Variants in SLC35G2 observed in about 807,000 individuals in gnomAD.
SLC35G2 encodes solute carrier family 35 member G2, also known as transmembrane protein 22.
SLC35G2 carries 20 observed loss-of-function variants against 27.2 expected under a neutral mutation model. That is an observed-to-expected ratio of 0.74 (90% CI 0.52 to 1.07). SLC35G2 has a LOEUF of 1.07. Among genes scored for constraint, SLC35G2 ranks in the 50% least tolerant of loss-of-function variants. The probability of loss-of-function intolerance (pLI) is 0.00; values close to 1 mark genes in which losing one functional copy is unlikely to be tolerated. For missense variants in SLC35G2, 416 were observed against 493.3 expected, an observed-to-expected ratio of 0.84 and a Z score of 1.48; for synonymous variants, 148 against 165.3, an observed-to-expected ratio of 0.90 and a Z score of 0.80.
At position 136,855,182 on chromosome 3, in the gene SLC35G2, T is replaced by C. The variant is rs761833430; in HGVS notation, c.722T>C (p.Ile241Thr). The C allele has an allele frequency of 2.5e-6, 4 of 1,614,032 alleles. No homozygotes were observed. The highest frequency in any genetic ancestry group is 4.5e-5 in the East Asian group (2 of 44,884). Residue 241 changes from isoleucine (I) to threonine (T), a missense_variant, in exon 2 of 2, where the codon ATT becomes ACT. Ile to Thr is a moderately conservative substitution (Grantham distance 89). Transcript: ENST00000446465. Reference protein sequence around the residue: ...LGVCLVMIPNIVDEDNSLLNA... With the variant: ...LGVCLVMIPNTVDEDNSLLNA... ...GTTTGTCTTGTCATGATCCCAAACA[T>C]TGTTGATGAAGACAATTCTTTGTTA...
intron 1 of SLC35G2, among the ~76,000 whole-genome samples, chr3:136,830,563 A>G (rs1936704125): frequency 1.3e-5 from 2 of 152,092 alleles, no homozygotes; most frequent in South Asian, 4.1e-4. Flanking sequence ...GATTACAGGC[A>G]TGAGCCACCG....
chr3:136,834,755 A>G (rs1473531682), intron 1 of SLC35G2, among the ~76,000 whole-genome samples: 2 of 152,304 alleles, frequency 1.3e-5, no homozygotes, highest in East Asian at 1.9e-4. Context: ...ATATTAACTC[A>G]TGTACTTTTC....
chr3:136,832,539 C>T (rs1936756000), intron 1 of SLC35G2, among the ~76,000 whole-genome samples: 1 of 152,174 alleles, frequency 6.6e-6, no homozygotes, highest in African/African-American at 2.4e-5. Context: ...CTTTTCTCAC[C>T]CATTAACATT....
intron 1 of SLC35G2, chr3:136,846,527 C>A (rs1267009028): frequency 6.6e-6 from 1 of 152,182 alleles, no homozygotes; most frequent in African/African-American, 2.4e-5. Context: ...TGGGCACTTA[C>A]CCCATGTGAA....
At chr3:136,837,732 A>G (rs1936914094) in intron 1 of SLC35G2, 1 of 152,130 alleles carries the variant, frequency 6.6e-6, no homozygotes, top group South Asian at 2.1e-4. Flanking sequence ...GCACATCCTT[A>G]TATACTTTGC....
At chr3:136,833,229 A>G (rs1196856800) in intron 1 of SLC35G2, among the ~76,000 whole-genome samples, 1 of 152,144 alleles carries the variant, frequency 6.6e-6, no homozygotes, top group East Asian at 1.9e-4. Context: ...ATAGTAGTTC[A>G]CGTTATTGAA....
chr3:136,850,122 A>C (rs1937577970), intron 1 of SLC35G2, among the ~76,000 whole-genome samples: 2 of 152,182 alleles, frequency 1.3e-5, no homozygotes, highest in Non-Finnish European at 2.9e-5. Flanking sequence ...TAAATAAATA[A>C]CTAAAAACAA....
chr3:136,854,784 G>A lies in SLC35G2; in HGVS notation c.324G>A (p.Leu108=). Residue 108 remains leucine, a synonymous_variant, in exon 2 of 2, where the codon CTG becomes CTA. Transcript: ENST00000446465. ...AATCCCGAAAAATGTGGATAGTGCT[G>A]TTTGGATCTGCTTTGGCTCATGGAT... ...IFQSRKMWIV[L]FGSALAHGCV... is the part of the protein sequence containing the mutation. 1 of 1,614,194 alleles carries A rather than the reference G, an allele frequency of 6.2e-7. No homozygotes were observed. The highest frequency in any genetic ancestry group is 8.5e-7 in the Non-Finnish European group (1 of 1,180,030).
At chr3:136,825,359 G>A (rs1354069584) in intron 1 of SLC35G2, among the ~76,000 whole-genome samples, 1 of 150,810 alleles carries the variant, frequency 6.6e-6, no homozygotes, top group South Asian at 2.1e-4. Context: ...TCATGCTTCA[G>A]CCTCCCAAGC....
At chr3:136,826,791 C>T (rs1936596446) in intron 1 of SLC35G2, among the ~76,000 whole-genome samples, 1 of 151,990 alleles carries the variant, frequency 6.6e-6, no homozygotes, top group South Asian at 2.1e-4. Flanking sequence ...GCATGCACCA[C>T]CACACCTGGC....
At chr3:136,832,283 G>A (rs887099297) in intron 1 of SLC35G2, among the ~76,000 whole-genome samples, 3 of 152,192 alleles carry the variant, frequency 2.0e-5, no homozygotes, top group Admixed American at 2.0e-4. Flanking sequence ...CAAAATGCTG[G>A]GATTACAGGT....
intron 1 of SLC35G2, among the ~76,000 whole-genome samples, chr3:136,847,101 T>A (rs1466596241): frequency 6.6e-6 from 1 of 152,062 alleles, no homozygotes; most frequent in African/African-American, 2.4e-5. Context: ...CACTTGAACC[T>A]GGGAGGTGGA....
At position 136,854,428 on chromosome 3, in the gene SLC35G2, T is replaced by A. The variant is rs113405963; in HGVS notation, c.-18-15T>A. The A allele has an allele frequency of 2.5e-5, 37 of 1,501,988 alleles. No individual in the cohort carries two copies. The African/African-American group carries it at 2.5e-4, about 10-fold the overall frequency. The allele number at this position is 1,501,988 out of a possible 1,614,324, so 93.0% of individuals were successfully genotyped here. A position where few individuals can be genotyped will look rare whatever the true frequency, so the allele number is the denominator to read the frequency against. On this transcript the variant is annotated splice_polypyrimidine_tract_variant and intron_variant, in intron 1 of 1. Coordinates refer to ENST00000446465, the MANE Select transcript of SLC35G2 (RefSeq NM_025246.3). Reference sequence around the variant, plus strand: ...TGAAATGAATGTCTTTTTGTCAATTTTTTTCTTTAAATAGAATTGATTATC... The same window carrying A: ...TGAAATGAATGTCTTTTTGTCAATTATTTTCTTTAAATAGAATTGATTATC...
At chr3:136,824,521 C>A (rs539653174) in intron 1 of SLC35G2, among the ~76,000 whole-genome samples, 1 of 152,168 alleles carries the variant, frequency 6.6e-6, no homozygotes, top group Non-Finnish European at 1.5e-5. Flanking sequence ...CCTTTCAGAT[C>A]GTTCACTGTT....
intron 1 of SLC35G2, among the ~76,000 whole-genome samples, chr3:136,829,353 C>T (rs1281829576): frequency 6.6e-6 from 1 of 152,030 alleles, no homozygotes; most frequent in Non-Finnish European, 1.5e-5. Context: ...TCCCAAGTAG[C>T]TGGGACTTCA....
At chr3:136,845,216 C>T (rs914925759) in intron 1 of SLC35G2, among the ~76,000 whole-genome samples, 3 of 152,172 alleles carry the variant, frequency 2.0e-5, no homozygotes, top group African/African-American at 7.2e-5. Flanking sequence ...TGTTTTCCCA[C>T]ATTTCTAAAT....
chr3:136,841,403 C>A (rs1355080341), intron 1 of SLC35G2, among the ~76,000 whole-genome samples: 1 of 152,018 alleles, frequency 6.6e-6, no homozygotes. Flanking sequence ...AGTCAGATAT[C>A]AGTTCCCTAC....
chr3:136,842,181 T>C (rs1195824323), intron 1 of SLC35G2: 1 of 152,170 alleles, frequency 6.6e-6, no homozygotes, highest in Non-Finnish European at 1.5e-5. Context: ...GAAAAAAAGG[T>C]AAAAACTAAT....
At chr3:136,827,433 CA>C (rs1936614429) in intron 1 of SLC35G2, among the ~76,000 whole-genome samples, 1 of 152,266 alleles carries the variant, frequency 6.6e-6, no homozygotes, top group Admixed American at 6.5e-5. Flanking sequence ...AGGCTGGTCT[CA>C]AATTACTGGG....
Sources: allele counts gnomAD v4.1 joint callset (sites outside exome capture counted in the v4.1 genomes callset), GRCh38; gene constraint gnomAD v4.1.1; transcripts MANE v1.5; gene names NCBI Gene and HGNC (gene_info 2026-07-23, HGNC 2026-07-21).